The following NCKAP5 variants were observed in gnomAD, a reference collection of about 807,000 sequenced individuals.
NCKAP5 encodes NCK associated protein 5.
NCKAP5 carries 92 observed loss-of-function variants against 167.0 expected under a neutral mutation model. The ratio of observed to expected loss-of-function variants is 0.55; its 90% CI spans 0.47 to 0.66. The LOEUF (loss-of-function observed/expected upper bound fraction) is 0.66, where lower values mean the gene tolerates loss of function less well. Among genes scored for constraint, NCKAP5 ranks in the 30% least tolerant of loss-of-function variants. The pLI is 0.00. For synonymous variants in NCKAP5, 891 were observed against 877.4 expected, an observed-to-expected ratio of 1.02 and a Z score of -0.27; for missense variants, 2,378 against 2,315.0, an observed-to-expected ratio of 1.03 and a Z score of -0.56.
chr2:133,640,920 T>C, the NCKAP5 span, among the ~76,000 whole-genome samples: 3 of 152,216 alleles, frequency 2.0e-5, no homozygotes, highest in Non-Finnish European at 4.4e-5. Flanking sequence ...ATCCATGACA[T>C]ACTTTTATCA....
In NCKAP5 at chr2:133,237,047, T is replaced by TAAA. The variant is rs112372084; in HGVS notation, c.144-23271_144-23269dup. Among the ~76,000 whole-genome samples the TAAA allele has an allele frequency of 2.8e-3, 400 of 142,998 alleles. 3 individuals are homozygous for TAAA. Among genetic ancestry groups the TAAA allele is most frequent in the African/African-American group, 9.7e-3 (381 of 39,132 alleles). 93.8% of individuals were successfully genotyped at this position (142,998 alleles called of 152,430 possible). On this transcript the variant is annotated intron_variant, in intron 4 of 19. Coordinates refer to ENST00000409261, the MANE Select transcript of NCKAP5 (RefSeq NM_207363.3). ...ATGTACCCTAGAACTTAAAGTATAA[T>TAAA]AAAAAAAAAAGAGCGAAATCTCTGT...
At chr2:133,177,188 ACTCAAGAAAC>A (rs2084506559) in intron 5 of NCKAP5, among the ~76,000 whole-genome samples, 1 of 145,162 alleles carries the variant, frequency 6.9e-6, no homozygotes, top group South Asian at 2.2e-4. Context: ...ATATATATAT[ACTCAAGAAAC>A]TTCTGTAAAA....
chr2:133,172,030 T>C (rs1265399997), intron 5 of NCKAP5, among the ~76,000 whole-genome samples: 1 of 152,216 alleles, frequency 6.6e-6, no homozygotes, highest in Non-Finnish European at 1.5e-5. Context: ...CCATCACATT[T>C]CAGTAAGTCC....
the NCKAP5 span, among the ~76,000 whole-genome samples, chr2:133,622,399 C>T: frequency 1.3e-5 from 2 of 152,030 alleles, no homozygotes; most frequent in Non-Finnish European, 2.9e-5. Flanking sequence ...AAGCCTCACC[C>T]AAAAAGCTTC....
rs527705526 is a variant in NCKAP5 at position 133,236,070 on chromosome 2, C to CAAAAAAAAAAAAAAAAAAAAA, written c.144-22312_144-22292dup. On this transcript the variant is annotated intron_variant, in intron 4 of 19. Transcript: ENST00000409261. ...GACAAATCAAGACCCTGTCTCAGAC[C>CAAAAAAAAAAAAAAAAAAAAA]AAAAAAAAAAAAAAAAAAAAAAAAA... Among the ~76,000 whole-genome samples, 2 of 15,654 alleles carry CAAAAAAAAAAAAAAAAAAAAA rather than the reference C, an allele frequency of 1.3e-4. 1 individual carries two copies. Among genetic ancestry groups the CAAAAAAAAAAAAAAAAAAAAA allele is most frequent in the Non-Finnish European group, 3.3e-4 (2 of 6,006 alleles). The allele number at this position is 15,654 out of a possible 152,430, so 10.3% of individuals were successfully genotyped here. A position where few individuals can be genotyped will look rare whatever the true frequency, so the allele number is the denominator to read the frequency against.
At chr2:133,217,024 G>C (rs567794178) in intron 4 of NCKAP5, among the ~76,000 whole-genome samples, 1 of 152,122 alleles carries the variant, frequency 6.6e-6, no homozygotes, top group South Asian at 2.1e-4. Context: ...ATAAAGGATA[G>C]ATTATTCACC....
chr2:132,740,726 T>C (rs1679109090), intron 16 of NCKAP5, among the ~76,000 whole-genome samples: 1 of 152,120 alleles, frequency 6.6e-6, no homozygotes, highest in East Asian at 1.9e-4. Flanking sequence ...ATAATATAAA[T>C]GTGCTTTCCA....
chr2:132,722,573 T>C (rs1690027485), intron 19 of NCKAP5, among the ~76,000 whole-genome samples: 2 of 152,136 alleles, frequency 1.3e-5, no homozygotes, highest in Admixed American at 1.3e-4. Flanking sequence ...CAGCTTCAAA[T>C]GCGGTTGATG....
At chr2:133,401,034 C>CT (rs1688065236) in intron 3 of NCKAP5, among the ~76,000 whole-genome samples, 1 of 152,158 alleles carries the variant, frequency 6.6e-6, no homozygotes, top group Admixed American at 6.5e-5. Flanking sequence ...CGGATGGGAC[C>CT]TGGTTGCTAG....
At chr2:133,023,774 T>C (rs1329948089) in intron 6 of NCKAP5, among the ~76,000 whole-genome samples, 4 of 152,246 alleles carry the variant, frequency 2.6e-5, no homozygotes, top group Admixed American at 2.6e-4. Context: ...GCAGAGGACA[T>C]GATTTCATTC....
the NCKAP5 span, among the ~76,000 whole-genome samples, chr2:133,672,300 G>C: frequency 1.3e-5 from 2 of 152,170 alleles, no homozygotes; most frequent in Non-Finnish European, 2.9e-5. Context: ...ACACGATGAG[G>C]CTAGAAAACT....
chr2:132,688,726 T>C (rs1292622135), intron 19 of NCKAP5, among the ~76,000 whole-genome samples: 1 of 151,956 alleles, frequency 6.6e-6, no homozygotes, highest in Non-Finnish European at 1.5e-5. Context: ...GGACTTCATT[T>C]TAAAAGCCTC....
rs10544477 is a variant in NCKAP5 at position 132,878,613 on chromosome 2, T to TAC, written c.648+233_648+234dup. Among the ~76,000 whole-genome samples, 309 of 131,982 alleles carry TAC rather than the reference T, an allele frequency of 2.3e-3. 3 individuals are homozygous for TAC. Among genetic ancestry groups the TAC allele is most frequent in the Admixed American group, 5.9e-3 (76 of 12,942 alleles). The allele number at this position is 131,982 out of a possible 152,430, so 86.6% of individuals were successfully genotyped here. On this transcript the variant is annotated intron_variant, in intron 9 of 19. Coordinates refer to ENST00000409261, the MANE Select transcript of NCKAP5 (RefSeq NM_207363.3). ...GGAATTAGGGAGGGAGGGGGGCAGA[T>TAC]ACACACACACACACACACACACACA...
At chr2:132,747,176 A>T (rs988310508) in intron 16 of NCKAP5, among the ~76,000 whole-genome samples, 1 of 151,982 alleles carries the variant, frequency 6.6e-6, no homozygotes, top group Non-Finnish European at 1.5e-5. Flanking sequence ...CCTGCCAAAA[A>T]AAAAAAACAA....
chr2:133,466,974 C>T (rs1023959714), intron 3 of NCKAP5, among the ~76,000 whole-genome samples: 29 of 152,220 alleles, frequency 1.9e-4, no homozygotes, highest in Admixed American at 3.9e-4. Context: ...ATTTGACTTC[C>T]TCTTTTCCTA....
chr2:132,814,321 C>T (rs1016668439), intron 11 of NCKAP5, among the ~76,000 whole-genome samples: 1 of 152,134 alleles, frequency 6.6e-6, no homozygotes, highest in Admixed American at 6.5e-5. Context: ...TATAAACAAG[C>T]AGTTGAAAAT....
chr2:132,801,690 C>T (rs984226151), intron 11 of NCKAP5, among the ~76,000 whole-genome samples: 1 of 152,178 alleles, frequency 6.6e-6, no homozygotes, highest in Non-Finnish European at 1.5e-5. Context: ...GTAGTCAGTG[C>T]CTGGACTATA....
intron 4 of NCKAP5, among the ~76,000 whole-genome samples, chr2:133,229,587 C>T (rs2087049170): frequency 6.6e-6 from 1 of 152,268 alleles, no homozygotes; most frequent in South Asian, 2.1e-4. Flanking sequence ...CTTACCCCAA[C>T]CATGACGTAG....
intron 6 of NCKAP5, among the ~76,000 whole-genome samples, chr2:133,010,420 C>T (rs2078117981): frequency 6.6e-6 from 1 of 152,144 alleles, no homozygotes; most frequent in Admixed American, 6.5e-5. Context: ...ATGTTCACTG[C>T]TACATACATC....
Sources: gnomAD v4.1 joint callset for allele counts (sites outside exome capture counted in the v4.1 genomes callset) on GRCh38, gnomAD v4.1.1 for gene constraint, MANE v1.5 for transcripts, NCBI Gene and HGNC (gene_info 2026-07-23, HGNC 2026-07-21) for gene names.